KCNN1: variants seen among roughly 807,000 people sequenced by gnomAD.
The protein encoded by KCNN1 is small conductance calcium-activated potassium channel protein 1.
KCNN1 carries 20 observed loss-of-function variants against 44.7 expected under a neutral mutation model. The observed-to-expected ratio is 0.45, with a 90% CI of 0.32 to 0.65. KCNN1 has a LOEUF of 0.65. KCNN1 is among the 30% of genes least tolerant of loss of function. KCNN1 has a pLI of 0.05. For missense variants in KCNN1, 632 were observed against 785.3 expected, an observed-to-expected ratio of 0.80 and a Z score of 2.33; for synonymous variants, 324 against 341.7, an observed-to-expected ratio of 0.95 and a Z score of 0.57.
intron 4 of KCNN1, among the ~76,000 whole-genome samples, chr19:17,984,093 G>T (rs908514310): frequency 5.9e-5 from 9 of 151,770 alleles, no homozygotes; most frequent in Non-Finnish European, 1.0e-4. Flanking sequence ...AACCCGGGAG[G>T]TGTAGGTTGC....
chr19:17,984,923 C>T (rs2032542881), intron 4 of KCNN1, among the ~76,000 whole-genome samples: 1 of 152,118 alleles, frequency 6.6e-6, no homozygotes, highest in Non-Finnish European at 1.5e-5. Flanking sequence ...CAGTCCTCCT[C>T]CCTCCTTGGG....
intron 3 of KCNN1, among the ~76,000 whole-genome samples, chr19:17,977,981 G>C (rs1003884417): frequency 6.6e-6 from 1 of 152,110 alleles, no homozygotes. Flanking sequence ...GCTGGGAAAG[G>C]AGCGACTGCT....
chr19:17,973,325 G>A (rs907864045), intron 1 of KCNN1, among the ~76,000 whole-genome samples: 2 of 152,218 alleles, frequency 1.3e-5, no homozygotes, highest in Middle Eastern at 3.4e-3. Flanking sequence ...CTGCCACCCA[G>A]GCTGGAGTGC....
intron 1 of KCNN1, among the ~76,000 whole-genome samples, chr19:17,972,355 G>A (rs1039006605): frequency 6.6e-6 from 1 of 152,284 alleles, no homozygotes; most frequent in Non-Finnish European, 1.5e-5. Flanking sequence ...CATCATTGAG[G>A]TCCCTGCTCT....
chr19:17,974,942 C>G lies in KCNN1; in HGVS notation c.403-150C>G. 1 of 637,026 alleles carries G rather than the reference C, an allele frequency of 1.6e-6. No individual in the cohort carries two copies. Among genetic ancestry groups the G allele is most frequent in the South Asian group, 1.8e-5 (1 of 55,162 alleles). 39.5% of individuals were successfully genotyped at this position (637,026 alleles called of 1,614,324 possible). ...ACACAGCAGCCCCAGGACTGGGGAA[C>G]TAGCAGAAATTCAGGGTACAGTGGG... On this transcript the variant is annotated intron_variant, in intron 2 of 9. Transcript: ENST00000684775. This position sits in a 1 kb window ranked among gnomAD's most constrained non-coding sequence, Gnocchi z 7.3.
chr19:17,997,667 A>G (rs1483308026), intron 9 of KCNN1, among the ~76,000 whole-genome samples: 1 of 152,090 alleles, frequency 6.6e-6, no homozygotes, highest in Non-Finnish European at 1.5e-5. Context: ...TTTAGTGGAG[A>G]CAAAGTTTCA....
chr19:17,958,010 C>G (rs1208380721), intron 2 of KCNN1, among the ~76,000 whole-genome samples: 1 of 152,080 alleles, frequency 6.6e-6, no homozygotes, highest in Non-Finnish European at 1.5e-5. Flanking sequence ...CAAGTAGCTA[C>G]TGTGAGAGAA....
intron 5 of KCNN1, among the ~76,000 whole-genome samples, chr19:17,987,775 T>C (rs1239278801): frequency 6.9e-6 from 1 of 144,996 alleles, no homozygotes; most frequent in African/African-American, 2.6e-5. Flanking sequence ...GGTGGGTGGA[T>C]CATTTGAGGC....
At chr19:17,987,371 A>C (rs972142939) in intron 5 of KCNN1, among the ~76,000 whole-genome samples, 3 of 152,150 alleles carry the variant, frequency 2.0e-5, no homozygotes, top group Admixed American at 6.5e-5. Flanking sequence ...TGGCCTCCCA[A>C]AGTGCTGGGA....
chr19:17,974,520 C>T lies in KCNN1; in HGVS notation c.402+230C>T, dbSNP rs1419019285. On this transcript the variant is annotated intron_variant, in intron 2 of 9. Transcript: ENST00000684775. The surrounding 1 kb of genome is among the most constrained non-coding windows in gnomAD (Gnocchi z 7.3). ...CATTCCCTGGCCAGGTGTCAAGGGG[C>T]TGCACCCTGGCTTAAGGCGGAGGGG... 6.6e-6 allele frequency among the ~76,000 whole-genome samples: 1 copy of T among 152,280 alleles called. No individual in the cohort carries two copies. The highest frequency in any genetic ancestry group is 1.9e-4 in the East Asian group (1 of 5,168).
chr19:17,982,297 C>G (rs2032445803), intron 4 of KCNN1, among the ~76,000 whole-genome samples, 170 bp downstream of exon 4: 2 of 152,048 alleles, frequency 1.3e-5, no homozygotes, highest in Admixed American at 1.3e-4. Context: ...TTTGTGGCTT[C>G]AGTAATCATC....
intron 4 of KCNN1, chr19:17,982,598 G>A (rs2032455882): frequency 8.1e-6 from 8 of 985,120 alleles, no homozygotes; most frequent in Non-Finnish European, 9.6e-6. Context: ...CCTCCGCTGA[G>A]CTGTGTGCGC....
chr19:17,993,135 C>T lies in KCNN1; in HGVS notation c.1307+73C>T. 1.9e-6 allele frequency: 3 copies of T among 1,581,344 alleles called. No homozygotes were observed. The highest frequency in any genetic ancestry group is 2.2e-5 in the East Asian group (1 of 44,614). On this transcript the variant is annotated intron_variant, in intron 8 of 9. Transcript: ENST00000684775. The surrounding 1 kb of genome is among the most constrained non-coding windows in gnomAD (Gnocchi z 4.5). Reference sequence around the variant, plus strand: ...ATGGTGGTCACAGACAGGGGGTACACCCGGGGCATGCCAACCCCAGCCTCA... The same window carrying T: ...ATGGTGGTCACAGACAGGGGGTACATCCGGGGCATGCCAACCCCAGCCTCA...
intron 3 of KCNN1, among the ~76,000 whole-genome samples, chr19:17,979,588 A>G (rs1036364052): frequency 6.6e-6 from 1 of 151,804 alleles, no homozygotes; most frequent in South Asian, 2.1e-4. Context: ...TCCAGCTCCA[A>G]TATGATTGGT....
chr19:17,973,869 A>G lies in KCNN1; in HGVS notation c.-20A>G, dbSNP rs952020509. 3.4e-5 allele frequency: 53 copies of G among 1,547,098 alleles called. No individual in the cohort carries two copies. Among genetic ancestry groups the G allele is most frequent in the Non-Finnish European group, 4.4e-5 (51 of 1,148,288 alleles). ...CCCCGGGCGGCCTGCAGCGAGCCCA[A>G]CCCCTGCACCCAGGTAGTCATGAAC... is the stretch of plus-strand genomic sequence containing the variant. On this transcript the variant is annotated 5_prime_UTR_variant, in exon 2 of 10. Coordinates refer to ENST00000684775, the MANE Select transcript of KCNN1 (RefSeq NM_001386974.1).
At chr19:17,988,553 G>A (rs772548801) in intron 6 of KCNN1, 28 bp downstream of exon 6, 17 of 1,522,538 alleles carry the variant, frequency 1.1e-5, no homozygotes, top group East Asian at 4.5e-5. Context: ...CATGGAGGCC[G>A]CCTCCTGGCC....
intron 1 of KCNN1, among the ~76,000 whole-genome samples, chr19:17,968,772 G>A (rs919546520): frequency 6.6e-6 from 1 of 152,114 alleles, no homozygotes; most frequent in Non-Finnish European, 1.5e-5. Flanking sequence ...TGCACCCCAG[G>A]CTTCAGGGAA....
Position 17,983,775 on chromosome 19 carries a change from TCACC to T in KCNN1, c.918-1528_918-1525del, listed in dbSNP as rs1389794274. Among the ~76,000 whole-genome samples, 1 of 151,648 alleles carries T rather than the reference TCACC, an allele frequency of 6.6e-6. No homozygotes were observed. Among genetic ancestry groups the T allele is most frequent in the Non-Finnish European group, 1.5e-5 (1 of 67,902 alleles). ...CCATCGCTCCGTCTGGATCTGGGGC[TCACC>T]CACCCACCGACTAGAGGGCACCCCC... On this transcript the variant is annotated intron_variant, in intron 4 of 9. Coordinates refer to ENST00000684775, the MANE Select transcript of KCNN1 (RefSeq NM_001386974.1). This position sits in a 1 kb window ranked among gnomAD's most constrained non-coding sequence, Gnocchi z 4.5.
chr19:17,964,308 C>T (rs144938862), upstream of KCNN1, among the ~76,000 whole-genome samples: 1 of 152,176 alleles, frequency 6.6e-6, no homozygotes, highest in Non-Finnish European at 1.5e-5. This position sits in a 1 kb window ranked among gnomAD's most constrained non-coding sequence, Gnocchi z 4.3. Context: ...GGGAGATGCT[C>T]GTGTGGCCAG....
Sources: gnomAD v4.1 joint callset for allele counts (sites outside exome capture counted in the v4.1 genomes callset) on GRCh38, gnomAD v4.1.1 for gene constraint, Gnocchi (gnomAD v3.1) non-coding constraint, MANE v1.5 for transcripts, NCBI Gene and HGNC (gene_info 2026-07-23, HGNC 2026-07-21) for gene names.